TEX26: variants seen among roughly 807,000 people sequenced by gnomAD.
The protein encoded by TEX26 is testis expressed 26.
In TEX26, 34 loss-of-function variants were observed where a neutral mutation model predicts 35.3. The observed-to-expected ratio is 0.96, with a 90% CI of 0.73 to 1.28. The LOEUF (loss-of-function observed/expected upper bound fraction) is 1.28. Among genes scored for constraint, TEX26 ranks in the 50% most tolerant of loss-of-function variants. TEX26 has a pLI of 0.00. For synonymous variants in TEX26, 136 were observed against 111.8 expected (o/e 1.22, Z -1.36); for missense variants, 371 against 330.1 (o/e 1.12, Z -0.96).
At chr13:30,937,860 G>A (rs574581319) in intron 1 of TEX26, among the ~76,000 whole-genome samples, 2 of 152,306 alleles carry the variant, frequency 1.3e-5, no homozygotes, top group South Asian at 4.1e-4. Context: ...ATGAGAGTCT[G>A]TTAAATTATA....
At chr13:30,932,915 G>T in intron 1 of TEX26, 139 bp downstream of exon 1, 1 of 866,926 alleles carries the variant, frequency 1.2e-6, no homozygotes, top group South Asian at 2.1e-5. Context: ...GGAAAAGACG[G>T]GGAGTCAGGG....
At chr13:30,955,453 G>A (rs543911629) in intron 3 of TEX26, among the ~76,000 whole-genome samples, 3 of 152,184 alleles carry the variant, frequency 2.0e-5, no homozygotes, top group African/African-American at 4.8e-5. Flanking sequence ...ATAATTTTAT[G>A]TATTGGTTTT....
chr13:30,951,180 C>T (rs1953907344), intron 2 of TEX26, among the ~76,000 whole-genome samples: 1 of 151,712 alleles, frequency 6.6e-6, no homozygotes, highest in South Asian at 2.1e-4. Flanking sequence ...GAGACCTCAT[C>T]TCAAAAAATA....
chr13:30,968,355 C>T (rs1032952327), intron 5 of TEX26, among the ~76,000 whole-genome samples: 3 of 152,084 alleles, frequency 2.0e-5, no homozygotes, highest in East Asian at 1.9e-4. Context: ...CTATGAAGTC[C>T]GATCGTAGTT....
Position 30,956,889 on chromosome 13 carries a change from C to T in TEX26, c.329C>T (p.Thr110Ile), listed in dbSNP as rs1954153430. 1.2e-6 allele frequency: 2 copies of T among 1,614,112 alleles called. No homozygotes were observed. Among genetic ancestry groups the T allele is most frequent in the Non-Finnish European group, 8.5e-7 (1 of 1,179,982 alleles). The change falls in exon 4 of 7, where the codon ACA (threonine) becomes ATA (isoleucine). Residue 110 changes from threonine (T) to isoleucine (I), a missense_variant. By Grantham distance (89) the Thr-to-Ile change is moderately conservative. Coordinates refer to ENST00000380473, the MANE Select transcript of TEX26 (RefSeq NM_152325.3). ...CTTTGATAGGACATTTTCCTGTGGA[C>T]ACTACCTCACTGTCAACAAACGGGG... is the stretch of plus-strand genomic sequence containing the variant. ...SHLNEDIFLW[T>I]LPHCQQTGTL...
chr13:30,947,690 A>T (rs1040082926), intron 2 of TEX26, among the ~76,000 whole-genome samples: 1 of 152,206 alleles, frequency 6.6e-6, no homozygotes, highest in Non-Finnish European at 1.5e-5. Flanking sequence ...TATGTTCAAA[A>T]AGGATTTGGA....
At chr13:30,955,826 G>A (rs1013096756) in intron 3 of TEX26, among the ~76,000 whole-genome samples, 6 of 152,098 alleles carry the variant, frequency 3.9e-5, no homozygotes, top group Admixed American at 1.3e-4. Flanking sequence ...GCACCTGCGC[G>A]GCTCCCCTCC....
At chr13:30,940,321 C>CATTTTTTTT in intron 2 of TEX26, among the ~76,000 whole-genome samples, 1 of 73,768 alleles carries the variant, frequency 1.4e-5, no homozygotes, top group Admixed American at 1.4e-4. Context: ...ACATCAGCTG[C>CATTTTTTTT]CTTTTTTTTT....
intron 1 of TEX26, among the ~76,000 whole-genome samples, chr13:30,938,453 C>T (rs1267223190): frequency 2.6e-5 from 4 of 152,210 alleles, no homozygotes; most frequent in South Asian, 2.1e-4. Context: ...CTATTAGCTG[C>T]ATTGTAACAT....
At chr13:30,935,963 G>T (rs1032328662) in intron 1 of TEX26, among the ~76,000 whole-genome samples, 6 of 152,228 alleles carry the variant, frequency 3.9e-5, no homozygotes. Context: ...AAGCACACTT[G>T]TAATTGCATT....
At chr13:30,946,907 C>T (rs1469856845) in intron 2 of TEX26, among the ~76,000 whole-genome samples, 3 of 152,072 alleles carry the variant, frequency 2.0e-5, no homozygotes, top group African/African-American at 4.8e-5. Context: ...AATAAACACA[C>T]AAATAAGTTC....
intron 1 of TEX26, among the ~76,000 whole-genome samples, chr13:30,934,896 G>A (rs1007897905): frequency 7.2e-5 from 11 of 152,322 alleles, no homozygotes; most frequent in East Asian, 1.9e-4. Flanking sequence ...TGGAACCCAC[G>A]GCTGCAGACC....
intron 3 of TEX26, among the ~76,000 whole-genome samples, chr13:30,954,952 T>C (rs1053410978): frequency 6.6e-6 from 1 of 152,188 alleles, no homozygotes; most frequent in Non-Finnish European, 1.5e-5. Context: ...CCAATGAGTG[T>C]TCACATGCCA....
At chr13:30,973,330 C>T (rs1954773130) in intron 6 of TEX26, 1 of 152,178 alleles carries the variant, frequency 6.6e-6, no homozygotes, top group African/African-American at 2.4e-5. Context: ...ACTGGGAAAA[C>T]TTATCTTTGA....
intron 4 of TEX26, among the ~76,000 whole-genome samples, chr13:30,963,640 G>T (rs533182426): frequency 6.6e-6 from 1 of 152,150 alleles, no homozygotes; most frequent in Non-Finnish European, 1.5e-5. Flanking sequence ...TGGTGTGTGC[G>T]TTCACTCATT....
At chr13:30,965,724 T>C (rs1164148886) in intron 4 of TEX26, among the ~76,000 whole-genome samples, 1 of 152,152 alleles carries the variant, frequency 6.6e-6, no homozygotes, top group Non-Finnish European at 1.5e-5. Flanking sequence ...AGGGATAAGC[T>C]TCGAGTGTTT....
chr13:30,974,474 T>G (rs574444414), intron 6 of TEX26, among the ~76,000 whole-genome samples: 4 of 152,302 alleles, frequency 2.6e-5, no homozygotes, highest in African/African-American at 9.6e-5. Context: ...CCCTAATCTA[T>G]TCCAACGTCT....
intron 5 of TEX26, among the ~76,000 whole-genome samples, chr13:30,966,780 C>A (rs558489319): frequency 3.9e-5 from 6 of 152,244 alleles, no homozygotes; most frequent in Non-Finnish European, 4.4e-5. Flanking sequence ...TAGATCTTAA[C>A]CCCTGGCTCC....
chr13:30,947,369 T>C (rs1953750743), intron 2 of TEX26, among the ~76,000 whole-genome samples: 2 of 152,118 alleles, frequency 1.3e-5, no homozygotes, highest in African/African-American at 4.8e-5. Context: ...GAAACTTTGT[T>C]CATATATATA....
Sources: allele counts gnomAD v4.1 joint callset (sites outside exome capture counted in the v4.1 genomes callset), GRCh38; gene constraint gnomAD v4.1.1; transcripts MANE v1.5; gene names NCBI Gene and HGNC (gene_info 2026-07-23, HGNC 2026-07-21).